PEMT: variants seen among roughly 807,000 people sequenced by gnomAD.
The protein encoded by PEMT is phosphatidylethanolamine N-methyltransferase.
PEMT carries 23 observed loss-of-function variants against 27.4 expected under a neutral mutation model. That is an observed-to-expected ratio of 0.84 (90% confidence interval 0.60 to 1.19). The LOEUF (loss-of-function observed/expected upper bound fraction) is 1.19, where lower values mean the gene tolerates loss of function less well. PEMT is among the 50% of genes most tolerant of loss of function. The pLI is 0.00. For synonymous variants in PEMT, 137 were observed against 139.1 expected (o/e 0.98, Z 0.11); for missense variants, 307 against 310.1 (o/e 0.99, Z 0.07).
chr17:17,518,803 C>T (rs1396971562), intron 3 of PEMT, among the ~76,000 whole-genome samples: 1 of 152,166 alleles, frequency 6.6e-6, no homozygotes, highest in Non-Finnish European at 1.5e-5. Flanking sequence ...AGGTCCAGAA[C>T]AGGCACACTC....
intron 2 of PEMT, among the ~76,000 whole-genome samples, chr17:17,553,996 T>G (rs1909862027): frequency 6.6e-6 from 1 of 151,770 alleles, no homozygotes; most frequent in Non-Finnish European, 1.5e-5. Flanking sequence ...GGCAGGAGGG[T>G]CTGGAGGCTT....
rs780285089 is a variant in PEMT at position 17,523,868 on chromosome 17, C to T, written c.205-1473G>A. On this transcript the variant is annotated intron_variant, in intron 2 of 6. Coordinates refer to ENST00000255389, the MANE Select transcript of PEMT (RefSeq NM_148172.3). The surrounding 1 kb of genome is among the most constrained non-coding windows in gnomAD (Gnocchi z 4.8). ...GTTTTTAGCTATGCAACCATCACCACGGTCTAAGTCCAGAACATTTCATCA... is the reference window on the plus strand; with the variant it reads ...GTTTTTAGCTATGCAACCATCACCATGGTCTAAGTCCAGAACATTTCATCA... 5.9e-5 allele frequency among the ~76,000 whole-genome samples: 9 copies of T among 152,266 alleles called. No individual in the cohort carries two copies. The highest frequency in any genetic ancestry group is 4.1e-4 in the South Asian group (2 of 4,826).
chr17:17,582,122 G>T lies in PEMT; in HGVS notation c.97-5095C>A. On this transcript the variant is annotated intron_variant, in intron 1 of 6. Transcript: ENST00000255389. This position sits in a 1 kb window ranked among gnomAD's most constrained non-coding sequence, Gnocchi z 4.9. ...CCTTCACACCTGTGACCAAAGGGCG[G>T]TCTCCCATCCACTCCCAGCCCCAAC... The T allele has an allele frequency of 3.6e-6, 1 of 280,478 alleles. No individual in the cohort carries two copies. Among genetic ancestry groups the T allele is most frequent in the Middle Eastern group, 1.8e-3 (1 of 544 alleles). 17.4% of individuals were successfully genotyped at this position (280,478 alleles called of 1,614,324 possible).
At chr17:17,553,017 A>G (rs938601524) in intron 2 of PEMT, among the ~76,000 whole-genome samples, 1 of 152,032 alleles carries the variant, frequency 6.6e-6, no homozygotes, top group African/African-American at 2.4e-5. Flanking sequence ...AGAAACCCCA[A>G]TCGCAACCTT....
intron 6 of PEMT, 128 bp from the exon 7 acceptor site, chr17:17,505,976 C>T: frequency 7.3e-7 from 1 of 1,364,336 alleles, no homozygotes; most frequent in Non-Finnish European, 9.8e-7. Context: ...TCCCCCAGAG[C>T]CACTGGGGCA....
chr17:17,556,415 C>T (rs1342039517), intron 2 of PEMT, among the ~76,000 whole-genome samples: 1 of 152,052 alleles, frequency 6.6e-6, no homozygotes, highest in Admixed American at 6.5e-5. Flanking sequence ...GCTCTGTCGC[C>T]CAAGCCAGAA....
intron 4 of PEMT, among the ~76,000 whole-genome samples, chr17:17,510,419 G>A (rs1291355193): frequency 6.6e-6 from 1 of 152,198 alleles, no homozygotes; most frequent in Non-Finnish European, 1.5e-5. Context: ...CCTCCCAGAG[G>A]ACAATGGAGC....
At chr17:17,555,612 G>A (rs1909994168) in intron 2 of PEMT, among the ~76,000 whole-genome samples, 1 of 152,178 alleles carries the variant, frequency 6.6e-6, no homozygotes, top group African/African-American at 2.4e-5. Context: ...GACCTATGCT[G>A]GTGCTTGGGT....
chr17:17,543,666 G>C (rs1315036275), intron 2 of PEMT, among the ~76,000 whole-genome samples: 2 of 152,150 alleles, frequency 1.3e-5, no homozygotes, highest in Non-Finnish European at 1.5e-5. Context: ...AGGTTCAAGT[G>C]ATTCTCCTGC....
At chr17:17,559,829 A>G (rs1910344721) in intron 2 of PEMT, among the ~76,000 whole-genome samples, 1 of 152,244 alleles carries the variant, frequency 6.6e-6, no homozygotes, top group Admixed American at 6.5e-5. Context: ...CAGAGCAGTG[A>G]AACGGCAAGC....
intron 2 of PEMT, among the ~76,000 whole-genome samples, chr17:17,531,887 A>G (rs148910413): frequency 3.0e-4 from 46 of 152,296 alleles, no homozygotes; most frequent in African/African-American, 9.9e-4. Flanking sequence ...AATTCACCAA[A>G]CTTTTAAAGC....
At chr17:17,558,644 C>T (rs1205130487) in intron 2 of PEMT, among the ~76,000 whole-genome samples, 2 of 147,918 alleles carry the variant, frequency 1.4e-5, no homozygotes, top group East Asian at 4.0e-4. Flanking sequence ...GATGGCGCTA[C>T]TGCACTCCTG....
At chr17:17,522,093 T>C (rs1486976068) in intron 3 of PEMT, among the ~76,000 whole-genome samples, 187 bp downstream of exon 3, 4 of 152,170 alleles carry the variant, frequency 2.6e-5, no homozygotes, top group Non-Finnish European at 5.9e-5. Flanking sequence ...TCACTGGGGC[T>C]CCTCTGCTGG....
chr17:17,557,475 C>T (rs185164051), intron 2 of PEMT, among the ~76,000 whole-genome samples: 160 of 152,290 alleles, frequency 1.1e-3, no homozygotes, highest in African/African-American at 3.8e-3. Context: ...GTTGAGAAGC[C>T]CCCGCTGCCT....
At chr17:17,592,108 G>T (rs1912621610), upstream of PEMT, 1 of 985,222 alleles carries the variant, frequency 1.0e-6, no homozygotes, top group Non-Finnish European at 1.2e-6. Flanking sequence ...ACACGCCCAG[G>T]GCCCCACGCC....
At chr17:17,530,635 G>A (rs1033608766) in intron 2 of PEMT, among the ~76,000 whole-genome samples, 27 of 152,264 alleles carry the variant, frequency 1.8e-4, no homozygotes, top group African/African-American at 5.1e-4. Context: ...CACAGCCTGA[G>A]GACAAAAGAA....
intron 2 of PEMT, among the ~76,000 whole-genome samples, chr17:17,526,707 C>A (rs1006432609): frequency 2.6e-5 from 4 of 152,368 alleles, no homozygotes; most frequent in African/African-American, 7.2e-5. Flanking sequence ...TTCTTCCCTG[C>A]CCTTTCCAGG....
chr17:17,505,765 C>T lies in PEMT; in HGVS notation c.*26G>A. 4 of 1,599,470 alleles carry T rather than the reference C, an allele frequency of 2.5e-6. No homozygotes were observed. Among genetic ancestry groups the T allele is most frequent in the Non-Finnish European group, 3.4e-6 (4 of 1,172,508 alleles). ...GGGGCAGGCCAGGAGGCTGGCCAGG[C>T]CTTCAGCAAAGCTGTTGCAGCTCAA... On this transcript the variant is annotated 3_prime_UTR_variant, in exon 7 of 7. Coordinates refer to ENST00000255389, the MANE Select transcript of PEMT (RefSeq NM_148172.3).
Position 17,591,647 on chromosome 17 carries a change from C to T in PEMT, c.-21G>A, listed in dbSNP as rs1264276254. The T allele has an allele frequency of 2.5e-6, 4 of 1,603,852 alleles. No homozygotes were observed. The highest frequency in any genetic ancestry group is 1.1e-5 in the South Asian group (1 of 89,616). On this transcript the variant is annotated 5_prime_UTR_variant, in exon 1 of 7. Coordinates refer to ENST00000255389, the MANE Select transcript of PEMT (RefSeq NM_148172.3). Reference sequence around the variant, plus strand: ...TTCATCCGGGGGCCGCCTCAGGAGGCACCACGCGGGCCCCGCTGCAGCCAC... The same window carrying T: ...TTCATCCGGGGGCCGCCTCAGGAGGTACCACGCGGGCCCCGCTGCAGCCAC...
Sources: gnomAD v4.1 joint callset for allele counts (sites outside exome capture counted in the v4.1 genomes callset) on GRCh38, gnomAD v4.1.1 for gene constraint, Gnocchi (gnomAD v3.1) non-coding constraint, MANE v1.5 for transcripts, NCBI Gene and HGNC (gene_info 2026-07-23, HGNC 2026-07-21) for gene names.